PRRC2B: variants seen among roughly 807,000 people sequenced by gnomAD.
PRRC2B encodes proline rich coiled-coil 2B.
Under a neutral mutation model 242.3 loss-of-function variants are expected in PRRC2B, and 68 were observed. The observed-to-expected ratio is 0.28, with a 90% CI of 0.23 to 0.34. PRRC2B has a LOEUF of 0.34. Among genes scored for constraint, PRRC2B ranks in the 10% least tolerant of loss-of-function variants. PRRC2B has a pLI of 1.00. For synonymous variants in PRRC2B, 1,228 were observed against 1,173.6 expected, an observed-to-expected ratio of 1.05 and a Z score of -0.95; for missense variants, 2,835 against 2,954.8, an observed-to-expected ratio of 0.96 and a Z score of 0.94.
intron 4 of PRRC2B, among the ~76,000 whole-genome samples, chr9:131,437,436 A>G (rs993091116): frequency 2.6e-5 from 4 of 152,244 alleles, no homozygotes; most frequent in African/African-American, 9.6e-5. Flanking sequence ...GCCTGGCTAC[A>G]GGTTTCCAGA....
chr9:131,420,496 T>TCTTTTCTTTCTTTCTTTTCTTTC (rs59621148), intron 1 of PRRC2B, among the ~76,000 whole-genome samples: 1 of 75,898 alleles, frequency 1.3e-5, no homozygotes, highest in African/African-American at 5.3e-5. Flanking sequence ...TTTCTTTCTT[T>TCTTTTCTTTCTTTCTTTTCTTTC]TTTTTTTTTT....
rs755887979 is a variant in PRRC2B, at chr9:131,474,920, G to A, written c.2791G>A (p.Glu931Lys). 6.3e-7 allele frequency: 1 copy of A among 1,594,956 alleles called. No individual in the cohort carries two copies. Among genetic ancestry groups the A allele is most frequent in the Non-Finnish European group, 8.5e-7 (1 of 1,171,368 alleles). ...CCGGAGCTCCAGCAGCCAGCACCCG[G>A]AGCAGACGGGCAGGACCCGGAGGTC... The part of the protein sequence containing the change: ...EPRSSSSQHP[E>K]QTGRTRRSGP... Residue 931 changes from glutamate (E) to lysine (K), a missense_variant, in exon 16 of 32, where the codon GAG becomes AAG. Glu to Lys is a moderately conservative substitution (Grantham distance 56). Coordinates refer to ENST00000683519, the MANE Select transcript of PRRC2B (RefSeq NM_013318.4).
Position 131,485,151 on chromosome 9 carries a change from C to T in PRRC2B, c.5758+11C>T, listed in dbSNP as rs769268821. 1.3e-6 allele frequency: 2 copies of T among 1,564,592 alleles called. No homozygotes were observed. The highest frequency in any genetic ancestry group is 1.4e-5 in the African/African-American group (1 of 73,722). ...CTGCTTCTATGCCAGGTATCTCATC[C>T]CCTGAGCAAGGCCTTGGGGTCCTTC... On this transcript the variant is annotated intron_variant, in intron 25 of 31. Coordinates refer to ENST00000683519, the MANE Select transcript of PRRC2B (RefSeq NM_013318.4).
At chr9:131,428,387 ATTATTT>A (rs1215625870) in intron 1 of PRRC2B, among the ~76,000 whole-genome samples, 2 of 151,134 alleles carry the variant, frequency 1.3e-5, no homozygotes, top group South Asian at 2.1e-4. Context: ...TGCCCTGCTA[ATTATTT>A]TTATTTTTAT....
In PRRC2B at chr9:131,496,613, AG is replaced by A. The variant is rs1944341434; in HGVS notation, c.*741del. 1 of 109,536 alleles carries A rather than the reference AG, an allele frequency of 9.1e-6. No individual in the cohort carries two copies. The highest frequency in any genetic ancestry group is 3.7e-5 in the African/African-American group (1 of 27,206). 6.8% of individuals were successfully genotyped at this position (109,536 alleles called of 1,614,324 possible). ...GAAGCGATGGGGTGCTCAGAGCAGC[AG>A]GCAGGTTGGGGGAGGGGGGGGGTCA... is the stretch of plus-strand genomic sequence containing the variant. On this transcript the variant is annotated 3_prime_UTR_variant, in exon 32 of 32. Transcript: ENST00000683519.
At chr9:131,391,034 C>G (rs980250330), upstream of PRRC2B, among the ~76,000 whole-genome samples, 9 of 152,002 alleles carry the variant, frequency 5.9e-5, no homozygotes, top group Non-Finnish European at 5.9e-5. Context: ...ATCTGCCCAC[C>G]TCAGCCTCCC....
chr9:131,434,350 A>G lies in PRRC2B; in HGVS notation c.293+1556A>G, dbSNP rs144041572. On this transcript the variant is annotated intron_variant, in intron 3 of 31. Coordinates refer to ENST00000683519, the MANE Select transcript of PRRC2B (RefSeq NM_013318.4). ...TACTCCCTCCTGTTATCCAGCCTTT[A>G]CTCTGCCTTTGCGGCTCCAGTGAGG... Among the ~76,000 whole-genome samples the G allele has an allele frequency of 2.0e-3, 298 of 152,278 alleles. 1 individual carries two copies. The highest frequency in any genetic ancestry group is 6.8e-3 in the African/African-American group (284 of 41,542).
In PRRC2B at chr9:131,467,551, T is replaced by C. The variant is rs10793870; in HGVS notation, c.1721-12T>C. 489,317 of 1,575,978 alleles carry C rather than the reference T, an allele frequency of 0.31. 82,550 individuals carry two copies. Among genetic ancestry groups the C allele is most frequent in the Non-Finnish European group, 0.35 (409,808 of 1,159,196 alleles). ...GCTCACTGTGTCATTTCTCTGCTGG[T>C]ATATTCTCTAGGCTCCCCAGAATTC... On this transcript the variant is annotated splice_polypyrimidine_tract_variant and intron_variant, in intron 12 of 31. Coordinates refer to ENST00000683519, the MANE Select transcript of PRRC2B (RefSeq NM_013318.4).
intron 1 of PRRC2B, among the ~76,000 whole-genome samples, chr9:131,416,824 T>A (rs1331826912): frequency 6.6e-6 from 1 of 152,222 alleles, no homozygotes; most frequent in Non-Finnish European, 1.5e-5. Context: ...GGCTATAACA[T>A]GCTTAATTGT....
intron 1 of PRRC2B, among the ~76,000 whole-genome samples, chr9:131,406,845 T>TATA (rs1449110132): frequency 8.5e-5 from 13 of 152,130 alleles, no homozygotes. Flanking sequence ...TCCAGAAGTG[T>TATA]ATAGAGTAGA....
intron 31 of PRRC2B, among the ~76,000 whole-genome samples, chr9:131,495,153 G>A (rs1207618164): frequency 6.6e-6 from 1 of 152,134 alleles, no homozygotes; most frequent in East Asian, 1.9e-4. Flanking sequence ...GGGGGCAGAT[G>A]CGCTGGCTGC....
At chr9:131,427,032 C>T (rs1837994586) in intron 1 of PRRC2B, among the ~76,000 whole-genome samples, 1 of 152,202 alleles carries the variant, frequency 6.6e-6, no homozygotes, top group Non-Finnish European at 1.5e-5. Flanking sequence ...ACAGTGTCGG[C>T]CCCTGGTTGT....
At chr9:131,464,616 C>T (rs765159884) in intron 11 of PRRC2B, 147 bp from the exon 12 acceptor site, 28 of 707,864 alleles carry the variant, frequency 4.0e-5, no homozygotes, top group East Asian at 8.2e-5. Context: ...GAGCAGGATT[C>T]GAACCCAGCT....
At chr9:131,402,082 G>C (rs930180906) in intron 1 of PRRC2B, among the ~76,000 whole-genome samples, 5 of 151,968 alleles carry the variant, frequency 3.3e-5, no homozygotes, top group African/African-American at 1.2e-4. Flanking sequence ...CGATTCTCCT[G>C]CCTCAGCCTC....
intron 5 of PRRC2B, among the ~76,000 whole-genome samples, chr9:131,440,692 G>T (rs984750141): frequency 1.3e-5 from 2 of 152,238 alleles, no homozygotes; most frequent in East Asian, 3.9e-4. Flanking sequence ...TAAAATTATG[G>T]TACTTTAATG....
chr9:131,420,186 G>A (rs1005325526), intron 1 of PRRC2B, among the ~76,000 whole-genome samples: 1 of 152,094 alleles, frequency 6.6e-6, no homozygotes, highest in African/African-American at 2.4e-5. Flanking sequence ...AAGGAACACT[G>A]GGTTACCAGG....
rs375399679 is a variant in PRRC2B, at chr9:131,482,834, C to G, written c.5300C>G (p.Pro1767Arg). ...AERLQGAVVPPVNGVEIHVDS... is the reference protein window; with the variant it reads ...AERLQGAVVPRVNGVEIHVDS... ...CGGCTGCAAGGGGCTGTCGTCCCGCCTGTTAACGGGGTGGAGATTCACGTG... is the reference window on the plus strand; with the variant it reads ...CGGCTGCAAGGGGCTGTCGTCCCGCGTGTTAACGGGGTGGAGATTCACGTG... The change falls in exon 22 of 32, where the codon CCT becomes CGT. Residue 1767 changes from proline (P) to arginine (R), a missense_variant. Physicochemically the swap from Pro to Arg is moderately radical, Grantham distance 103. Coordinates refer to ENST00000683519, the MANE Select transcript of PRRC2B (RefSeq NM_013318.4). The surrounding 1 kb of genome is among the most constrained non-coding windows in gnomAD (Gnocchi z 5.2). 5 of 1,608,878 alleles carry G rather than the reference C, an allele frequency of 3.1e-6. No homozygotes were observed. Among genetic ancestry groups the G allele is most frequent in the Admixed American group, 3.4e-5 (2 of 59,196 alleles).
intron 16 of PRRC2B, 39 bp downstream of exon 16, chr9:131,476,574 G>A (rs940737615): frequency 6.5e-7 from 1 of 1,532,802 alleles, no homozygotes; most frequent in Non-Finnish European, 8.8e-7. Context: ...TTGTTGTTGT[G>A]TTCTGTTCTC....
At chr9:131,421,506 C>T (rs1837839121) in intron 1 of PRRC2B, among the ~76,000 whole-genome samples, 1 of 152,190 alleles carries the variant, frequency 6.6e-6, no homozygotes, top group Non-Finnish European at 1.5e-5. Flanking sequence ...ATTTCCATGC[C>T]TGTGGAATCA....
Sources: gnomAD v4.1 joint callset for allele counts (sites outside exome capture counted in the v4.1 genomes callset) on GRCh38, gnomAD v4.1.1 for gene constraint, Gnocchi (gnomAD v3.1) non-coding constraint, MANE v1.5 for transcripts, NCBI Gene and HGNC (gene_info 2026-07-23, HGNC 2026-07-21) for gene names.